The following SAMM50 variants were observed in gnomAD, a reference collection of about 807,000 sequenced individuals.
SAMM50 encodes the protein SAMM50 sorting and assembly machinery component.
Under a neutral mutation model 66.9 loss-of-function variants are expected in SAMM50, and 47 were observed. The observed-to-expected ratio is 0.70, with a 90% CI of 0.56 to 0.90. SAMM50 has a LOEUF of 0.90. Ranked by LOEUF, SAMM50 falls within the 40% of genes least tolerant of loss-of-function variation. The probability of loss-of-function intolerance (pLI) is 0.00; values close to 1 mark genes in which losing one functional copy is unlikely to be tolerated. For missense variants in SAMM50, 535 were observed against 595.3 expected, an observed-to-expected ratio of 0.90 and a Z score of 1.05; for synonymous variants, 191 against 214.1, an observed-to-expected ratio of 0.89 and a Z score of 0.94.
At chr22:43,991,850 G>A in intron 14 of SAMM50, among the ~76,000 whole-genome samples, 1 of 152,150 alleles carries the variant, frequency 6.6e-6, no homozygotes, top group South Asian at 2.1e-4. Flanking sequence ...TTCTTATGCG[G>A]CCCCTAATTC....
rs1055640727 is a variant in SAMM50, at chr22:43,992,244, A to G, written c.1364+1838A>G. ...TTTGTAAAGGGGAGCCGCATTCGCA[A>G]GTGTTTCTGAGCATCGCCTCTCAGG... On this transcript the variant is annotated intron_variant, in intron 14 of 14. Coordinates refer to ENST00000350028, the MANE Select transcript of SAMM50 (RefSeq NM_015380.5). 2.0e-5 allele frequency among the ~76,000 whole-genome samples: 3 copies of G among 152,318 alleles called. No homozygotes were observed. The East Asian group carries it at 5.8e-4, about 29-fold the overall frequency.
intron 12 of SAMM50, chr22:43,988,229 G>A (rs1035325795): frequency 2.6e-5 from 4 of 152,164 alleles, no homozygotes; most frequent in South Asian, 2.1e-4. Context: ...CAGAGCTCTC[G>A]TGTTGAAAGG....
In SAMM50 at chr22:43,968,829, T is replaced by C. The variant is rs765706847; in HGVS notation, c.322+11T>C. On this transcript the variant is annotated intron_variant, in intron 4 of 14. Transcript: ENST00000350028. The stretch of plus-strand genomic sequence containing the variant: ...TTGACACATGTCAAGGTACATATTG[T>C]GGTGTAGTATCTTTATAATTCCCTT... 1.1e-5 allele frequency: 18 copies of C among 1,576,722 alleles called. No homozygotes were observed. Among genetic ancestry groups the C allele is most frequent in the Non-Finnish European group, 1.4e-5 (16 of 1,146,342 alleles).
At position 43,990,259 on chromosome 22, in the gene SAMM50, T is replaced by TG; in HGVS notation, c.1223-6_1223-5insG. On this transcript the variant is annotated splice_region_variant and splice_polypyrimidine_tract_variant and intron_variant, in intron 13 of 14. Coordinates refer to ENST00000350028, the MANE Select transcript of SAMM50 (RefSeq NM_015380.5). ...CACTGTTGCTCACAGGTCTTTCTCT[T>TG]TTCAGGGGAGGGCCCCAAAGCTCAT... is the stretch of plus-strand genomic sequence containing the variant. The TG allele has an allele frequency of 6.2e-7, 1 of 1,614,124 alleles. No homozygotes were observed. The highest frequency in any genetic ancestry group is 8.5e-7 in the Non-Finnish European group (1 of 1,180,004).
chr22:43,976,891 G>A (rs1347347884), intron 9 of SAMM50, 70 bp downstream of exon 9: 9 of 947,688 alleles, frequency 9.5e-6, no homozygotes, highest in African/African-American at 3.3e-5. Context: ...ATAAAGTCCC[G>A]GTGGGCTGGG....
At chr22:43,980,125 T>TCCATCC (rs2050255937) in intron 10 of SAMM50, among the ~76,000 whole-genome samples, 1 of 40,056 alleles carries the variant, frequency 2.5e-5, no homozygotes, top group African/African-American at 1.1e-4. Context: ...CCCACCCACC[T>TCCATCC]ACCCACCCAC....
intron 7 of SAMM50, among the ~76,000 whole-genome samples, chr22:43,973,992 A>G (rs981098139): frequency 6.7e-6 from 1 of 150,072 alleles, no homozygotes; most frequent in Non-Finnish European, 1.5e-5. Flanking sequence ...AATTCGTATC[A>G]TTTGGCCTTT....
In SAMM50 at chr22:43,968,498, A is replaced by G. The variant is rs149209450; in HGVS notation, c.235-233A>G. ...TCTTGTTGTTTATACGAAGGGGATT[A>G]TATGTTGCACACTCTTGATGCCAAG... On this transcript the variant is annotated intron_variant, in intron 3 of 14. Transcript: ENST00000350028. Among the ~76,000 whole-genome samples the G allele has an allele frequency of 3.0e-4, 45 of 152,270 alleles. 1 individual carries two copies. In the East Asian group the frequency reaches 7.5e-3, roughly 25 times the overall value.
intron 14 of SAMM50, among the ~76,000 whole-genome samples, chr22:43,993,327 T>G (rs2050335921): frequency 6.6e-6 from 1 of 152,248 alleles, no homozygotes; most frequent in African/African-American, 2.4e-5. Flanking sequence ...ACCATTGCAG[T>G]GCTCTTTGTA....
chr22:43,986,065 T>G (rs2146825116), intron 12 of SAMM50, among the ~76,000 whole-genome samples: 1 of 55,674 alleles, frequency 1.8e-5, no homozygotes, highest in East Asian at 7.6e-4. Flanking sequence ...TTTTTTGAGA[T>G]GGAGTCTTGC....
chr22:43,955,640 C>T (rs2050115084), intron 1 of SAMM50, 42 bp downstream of exon 1: 2 of 1,559,330 alleles, frequency 1.3e-6, no homozygotes, highest in African/African-American at 1.4e-5. Context: ...GCCTCTGGGC[C>T]AGCAGGGCAG....
chr22:43,995,603 C>T (rs1354992329), intron 14 of SAMM50: 1 of 152,456 alleles, frequency 6.6e-6, no homozygotes, highest in Non-Finnish European at 1.5e-5. Context: ...ACAGGCTGCC[C>T]CCCAGCTGTG....
chr22:43,986,449 C>T (rs940902392), intron 12 of SAMM50: 1 of 152,198 alleles, frequency 6.6e-6, no homozygotes, highest in Non-Finnish European at 1.5e-5. Context: ...CCGTCTCTGA[C>T]ATGCAACATC....
At chr22:43,982,400 A>G (rs1397304086) in intron 11 of SAMM50, among the ~76,000 whole-genome samples, 2 of 152,236 alleles carry the variant, frequency 1.3e-5, no homozygotes, top group Admixed American at 1.3e-4. Context: ...TAATTATTAA[A>G]AATAAGGAGA....
chr22:43,980,722 G>A lies in SAMM50; in HGVS notation c.937-669G>A, dbSNP rs1384915668. On this transcript the variant is annotated intron_variant, in intron 10 of 14. Transcript: ENST00000350028. ...GAAAGCCATTTCTGAGCAGCTTGGA[G>A]GGACATAGGCATTTGCAAGGCAGAG... Among the ~76,000 whole-genome samples the A allele has an allele frequency of 6.6e-5, 10 of 152,346 alleles. No homozygotes were observed. The East Asian group carries it at 1.3e-3, about 21-fold the overall frequency.
At chr22:43,981,353 T>TG (rs1569032675) in intron 10 of SAMM50, 38 bp from the exon 11 acceptor site, 1 of 1,539,670 alleles carries the variant, frequency 6.5e-7, no homozygotes, top group African/African-American at 1.4e-5. Flanking sequence ...GTGAAAGGAA[T>TG]GCTGGGAGAA....
intron 14 of SAMM50, chr22:43,995,476 TC>T (rs1340476928): frequency 2.0e-5 from 3 of 152,256 alleles, no homozygotes; most frequent in Non-Finnish European, 4.4e-5. Context: ...AATATCATTT[TC>T]CCCAGAAGTT....
chr22:43,963,459 C>G, intron 2 of SAMM50, 63 bp downstream of exon 2: 1 of 971,712 alleles, frequency 1.0e-6, no homozygotes. Flanking sequence ...CCATACACCA[C>G]TAGGGAGATG....
chr22:43,984,444 C>T (rs1005689813), intron 12 of SAMM50, among the ~76,000 whole-genome samples: 15 of 151,392 alleles, frequency 9.9e-5, no homozygotes, highest in African/African-American at 3.4e-4. Flanking sequence ...TCCCAAGTAG[C>T]TGGGATTACA....
Sources: allele counts gnomAD v4.1 joint callset (sites outside exome capture counted in the v4.1 genomes callset), GRCh38; gene constraint gnomAD v4.1.1; transcripts MANE v1.5; gene names NCBI Gene and HGNC (gene_info 2026-07-23, HGNC 2026-07-21).